MEF2A: variants seen among roughly 807,000 people sequenced by gnomAD.
The protein encoded by MEF2A is myocyte-specific enhancer factor 2A.
In MEF2A, 28 loss-of-function variants were observed where a neutral mutation model predicts 55.8. That is an observed-to-expected ratio of 0.50 (90% CI 0.37 to 0.69). MEF2A has a LOEUF of 0.69. MEF2A is among the 30% of genes least tolerant of loss of function. The probability of loss-of-function intolerance (pLI) is 0.00; values close to 1 mark genes in which losing one functional copy is unlikely to be tolerated. For synonymous variants in MEF2A, 239 were observed against 227.1 expected, an observed-to-expected ratio of 1.05 and a Z score of -0.47; for missense variants, 528 against 626.2, an observed-to-expected ratio of 0.84 and a Z score of 1.67.
intron 3 of MEF2A, among the ~76,000 whole-genome samples, chr15:99,635,374 G>C (rs1399775634): frequency 1.3e-5 from 2 of 152,172 alleles, no homozygotes; most frequent in Non-Finnish European, 1.5e-5. Context: ...GACTTAAAGA[G>C]CTGCTTCACT....
chr15:99,573,592 C>G (rs955210333), intron 1 of MEF2A, among the ~76,000 whole-genome samples: 6 of 152,174 alleles, frequency 3.9e-5, no homozygotes, highest in African/African-American at 1.4e-4. Flanking sequence ...ACCAACATCC[C>G]TTCTGGCCCT....
At chr15:99,709,595 A>T (rs2058393922) in intron 10 of MEF2A, among the ~76,000 whole-genome samples, 1 of 152,232 alleles carries the variant, frequency 6.6e-6, no homozygotes, top group African/African-American at 2.4e-5. Context: ...ATGTTAATTC[A>T]CTAGGAAGAC....
intron 9 of MEF2A, among the ~76,000 whole-genome samples, chr15:99,705,743 T>C (rs2057961137): frequency 6.6e-6 from 1 of 152,232 alleles, no homozygotes; most frequent in African/African-American, 2.4e-5. Flanking sequence ...ATTCTAACTC[T>C]TCATAATCTC....
intron 1 of MEF2A, among the ~76,000 whole-genome samples, chr15:99,575,531 ATGT>A (rs1253727827): frequency 2.6e-5 from 4 of 152,156 alleles, no homozygotes; most frequent in Admixed American, 6.5e-5. Flanking sequence ...CATTTTGACC[ATGT>A]TGTTGATGTT....
chr15:99,585,675 G>A (rs1267212552), intron 1 of MEF2A, among the ~76,000 whole-genome samples: 2 of 148,656 alleles, frequency 1.3e-5, no homozygotes, highest in Non-Finnish European at 3.0e-5. Flanking sequence ...GTGTATGCCA[G>A]TCACTGTGCT....
intron 2 of MEF2A, among the ~76,000 whole-genome samples, chr15:99,622,558 A>G (rs1172874043): frequency 2.0e-5 from 3 of 152,136 alleles, no homozygotes; most frequent in Non-Finnish European, 4.4e-5. Flanking sequence ...AAATTTTTTG[A>G]AATTGTTTGA....
chr15:99,641,240 G>T (rs1455535409), intron 3 of MEF2A, among the ~76,000 whole-genome samples: 1 of 152,130 alleles, frequency 6.6e-6, no homozygotes, highest in East Asian at 1.9e-4. Context: ...CCTGCCAGAG[G>T]TTAGTCAGTT....
intron 4 of MEF2A, among the ~76,000 whole-genome samples, chr15:99,651,471 C>T (rs1256750732): frequency 2.0e-5 from 3 of 152,068 alleles, no homozygotes; most frequent in Non-Finnish European, 4.4e-5. Context: ...TACAGGGCTG[C>T]AGTGGAGCAT....
chr15:99,680,047 G>A (rs2052921391), intron 7 of MEF2A, among the ~76,000 whole-genome samples: 1 of 152,220 alleles, frequency 6.6e-6, no homozygotes, highest in Non-Finnish European at 1.5e-5. Context: ...AGTTTAAGAT[G>A]ACAGGTCAAA....
intron 1 of MEF2A, among the ~76,000 whole-genome samples, chr15:99,592,474 A>G (rs758861186): frequency 2.4e-4 from 37 of 152,276 alleles, no homozygotes; most frequent in Admixed American, 2.0e-3. Flanking sequence ...CTGTATGTGC[A>G]AAACACACTG....
At chr15:99,646,273 C>T (rs187672921) in intron 4 of MEF2A, among the ~76,000 whole-genome samples, 140 of 152,144 alleles carry the variant, frequency 9.2e-4, no homozygotes, top group Non-Finnish European at 1.8e-3. Flanking sequence ...TCATAGTTCT[C>T]CCAACCTAAT....
At chr15:99,567,798 A>T (rs1244745894) in intron 1 of MEF2A, among the ~76,000 whole-genome samples, 2 of 152,182 alleles carry the variant, frequency 1.3e-5, no homozygotes, top group East Asian at 3.8e-4. Flanking sequence ...ACACCTGTAT[A>T]TCATAAAACA....
chr15:99,570,457 C>T (rs1961707339), intron 1 of MEF2A, among the ~76,000 whole-genome samples: 1 of 152,028 alleles, frequency 6.6e-6, no homozygotes, highest in Non-Finnish European at 1.5e-5. Context: ...AAATTCTCAC[C>T]ATTATTAAAA....
chr15:99,573,591 C>G (rs977672713), intron 1 of MEF2A, among the ~76,000 whole-genome samples: 51 of 152,138 alleles, frequency 3.4e-4, no homozygotes, highest in Non-Finnish European at 7.3e-5. Flanking sequence ...AACCAACATC[C>G]CTTCTGGCCC....
chr15:99,603,147 G>A (rs1973895422), intron 2 of MEF2A, among the ~76,000 whole-genome samples: 1 of 151,942 alleles, frequency 6.6e-6, no homozygotes. Flanking sequence ...GTAATGTTGT[G>A]TGTTCATTTA....
intron 7 of MEF2A, among the ~76,000 whole-genome samples, chr15:99,683,480 C>T (rs970246722): frequency 2.0e-5 from 3 of 152,130 alleles, no homozygotes; most frequent in African/African-American, 7.2e-5. Flanking sequence ...GATCTCGGCT[C>T]ACTGCAGCCT....
chr15:99,628,188 A>G (rs1348381204), intron 2 of MEF2A, among the ~76,000 whole-genome samples: 6 of 152,148 alleles, frequency 3.9e-5, no homozygotes, highest in East Asian at 1.9e-4. Context: ...GTATCCTTCT[A>G]TATCTATCCA....
intron 2 of MEF2A, among the ~76,000 whole-genome samples, chr15:99,618,405 G>A (rs1374509769): frequency 6.6e-6 from 1 of 152,130 alleles, no homozygotes. Flanking sequence ...ATCCTGAATT[G>A]ATCCTGTTAC....
chr15:99,662,828 T>C (rs2048893533), intron 4 of MEF2A, among the ~76,000 whole-genome samples: 1 of 152,224 alleles, frequency 6.6e-6, no homozygotes, highest in Non-Finnish European at 1.5e-5. Context: ...TTATGCTAGA[T>C]TTACTGACTA....
Sources: allele counts gnomAD v4.1 joint callset (sites outside exome capture counted in the v4.1 genomes callset), GRCh38; gene constraint gnomAD v4.1.1; transcripts MANE v1.5; gene names NCBI Gene and HGNC (gene_info 2026-07-23, HGNC 2026-07-21).